The following NSMCE2 variants were observed in gnomAD, a reference collection of about 807,000 sequenced individuals.
NSMCE2 encodes NSE2 SUMO ligase component of SMC5/6 complex.
In NSMCE2, 24 loss-of-function variants were observed where a neutral mutation model predicts 23.8. The observed-to-expected ratio is 1.01, with a 90% CI of 0.73 to 1.42. The LOEUF (loss-of-function observed/expected upper bound fraction) is 1.42, where lower values mean the gene tolerates loss of function less well. NSMCE2 is among the 40% of genes most tolerant of loss of function. NSMCE2 has a pLI of 0.00. For synonymous variants in NSMCE2, 92 were observed against 94.1 expected, an observed-to-expected ratio of 0.98 and a Z score of 0.13; for missense variants, 284 against 296.5, an observed-to-expected ratio of 0.96 and a Z score of 0.31.
intron 3 of NSMCE2, among the ~76,000 whole-genome samples, chr8:125,122,173 A>AGT (rs1819299008): frequency 1.0e-5 from 1 of 98,336 alleles, no homozygotes; most frequent in African/African-American, 4.2e-5. Context: ...TGGCTGAGCC[A>AGT]AAAAAAAAAA....
chr8:125,334,411 CAG>C (rs1039945469), intron 5 of NSMCE2, among the ~76,000 whole-genome samples: 1 of 152,132 alleles, frequency 6.6e-6, no homozygotes, highest in Non-Finnish European at 1.5e-5. Context: ...AGCAACAGAA[CAG>C]GGGATCCATG....
intron 5 of NSMCE2, among the ~76,000 whole-genome samples, chr8:125,237,891 C>G (rs1200738296): frequency 6.6e-6 from 1 of 152,144 alleles, no homozygotes; most frequent in Admixed American, 6.6e-5. Flanking sequence ...ATTAAGAACT[C>G]CCTAATAATG....
intron 5 of NSMCE2, among the ~76,000 whole-genome samples, chr8:125,350,061 T>C (rs1323646505): frequency 2.0e-5 from 3 of 152,184 alleles, no homozygotes; most frequent in Admixed American, 6.5e-5. Context: ...CAGATGTTTA[T>C]TGAACACCTA....
At chr8:125,264,927 T>C (rs1826851899) in intron 5 of NSMCE2, among the ~76,000 whole-genome samples, 1 of 152,210 alleles carries the variant, frequency 6.6e-6, no homozygotes, top group Non-Finnish European at 1.5e-5. Context: ...TTGTTTTTAT[T>C]GTTAGTACTA....
rs117239170 is a variant in NSMCE2, at chr8:125,342,649, C to T, written c.419-14570C>T. Among the ~76,000 whole-genome samples, 764 of 152,144 alleles carry T rather than the reference C, an allele frequency of 5.0e-3. 5 individuals are homozygous for T. Among genetic ancestry groups the T allele is most frequent in the Non-Finnish European group, 8.5e-3 (580 of 67,988 alleles). Reference sequence around the variant, plus strand: ...TCCCTCCTCCCTCCCTCCCTCTTTCCCTCCCTCTCTCTTACTTTCATTTTA... The same window carrying T: ...TCCCTCCTCCCTCCCTCCCTCTTTCTCTCCCTCTCTCTTACTTTCATTTTA... On this transcript the variant is annotated intron_variant, in intron 5 of 7. Coordinates refer to ENST00000287437, the MANE Select transcript of NSMCE2 (RefSeq NM_173685.4).
chr8:125,307,812 C>T (rs890190145), intron 5 of NSMCE2, among the ~76,000 whole-genome samples: 17 of 152,154 alleles, frequency 1.1e-4, no homozygotes, highest in African/African-American at 2.9e-4. Context: ...GAGTTAAAAA[C>T]GATTACTGTG....
chr8:125,282,489 C>T (rs192770640), intron 5 of NSMCE2, among the ~76,000 whole-genome samples: 154 of 152,352 alleles, frequency 1.0e-3, no homozygotes, highest in South Asian at 2.3e-3. Flanking sequence ...AACCTATTTG[C>T]AGGCTACATA....
At chr8:125,123,058 CAAAATAT>C (rs1370879582) in intron 3 of NSMCE2, among the ~76,000 whole-genome samples, 1 of 151,930 alleles carries the variant, frequency 6.6e-6, no homozygotes, top group Admixed American at 6.6e-5. Context: ...TTCATAAAAT[CAAAATAT>C]AAAGTGATAC....
chr8:125,343,359 A>G (rs1217277455), intron 5 of NSMCE2, among the ~76,000 whole-genome samples: 3 of 152,234 alleles, frequency 2.0e-5, no homozygotes, highest in Non-Finnish European at 4.4e-5. Flanking sequence ...AAAACAAATT[A>G]TGATATCAGG....
rs535965216 is a variant in NSMCE2 at position 125,327,528 on chromosome 8, T to C, written c.419-29691T>C. On this transcript the variant is annotated intron_variant, in intron 5 of 7. Coordinates refer to ENST00000287437, the MANE Select transcript of NSMCE2 (RefSeq NM_173685.4). ...TCTTGATCAGATTAAAGTAAGAGAGTGTTTTTTTTTAAGTCTTTAATTTGA... is the reference window on the plus strand; with the variant it reads ...TCTTGATCAGATTAAAGTAAGAGAGCGTTTTTTTTTAAGTCTTTAATTTGA... 6.6e-5 allele frequency among the ~76,000 whole-genome samples: 10 copies of C among 151,990 alleles called. 1 individual carries two copies. Among genetic ancestry groups the C allele is most frequent in the Admixed American group, 6.6e-4 (10 of 15,248 alleles).
At chr8:125,143,877 T>C (rs1820515524) in intron 3 of NSMCE2, among the ~76,000 whole-genome samples, 1 of 152,130 alleles carries the variant, frequency 6.6e-6, no homozygotes, top group South Asian at 2.1e-4. Flanking sequence ...TAAAGAAGTT[T>C]TGTAGACCCA....
At chr8:125,254,064 A>T (rs1826309592) in intron 5 of NSMCE2, among the ~76,000 whole-genome samples, 2 of 152,168 alleles carry the variant, frequency 1.3e-5, no homozygotes, top group South Asian at 4.1e-4. Flanking sequence ...AATTCAGCAA[A>T]CTACCTTTTT....
intron 5 of NSMCE2, among the ~76,000 whole-genome samples, chr8:125,284,193 A>G (rs1827806621): frequency 1.2e-5 from 1 of 84,972 alleles, no homozygotes; most frequent in Non-Finnish European, 2.6e-5. Flanking sequence ...AAACATTTAG[A>G]GAGTAAAAAA....
At chr8:125,136,504 T>C (rs1387659076) in intron 3 of NSMCE2, among the ~76,000 whole-genome samples, 1 of 152,178 alleles carries the variant, frequency 6.6e-6, no homozygotes, top group Non-Finnish European at 1.5e-5. Flanking sequence ...TTGCAGAGAC[T>C]AGGTGCCTGC....
chr8:125,317,831 A>G (rs895060205), intron 5 of NSMCE2, among the ~76,000 whole-genome samples: 8 of 152,262 alleles, frequency 5.3e-5, no homozygotes, highest in Non-Finnish European at 8.8e-5. Context: ...TTTGAACTAC[A>G]TCAAAGCAAA....
chr8:125,295,557 C>A (rs1477298571), intron 5 of NSMCE2, among the ~76,000 whole-genome samples: 1 of 152,150 alleles, frequency 6.6e-6, no homozygotes, highest in Non-Finnish European at 1.5e-5. Flanking sequence ...GCTGCACACC[C>A]CTGTCTCTGC....
At chr8:125,163,757 A>G (rs73348190) in intron 4 of NSMCE2, among the ~76,000 whole-genome samples, 5,303 of 152,332 alleles carry the variant, frequency 0.035, 298 homozygotes, top group African/African-American at 0.12. Flanking sequence ...AGTCCCTGTT[A>G]GCTCTTAGAG....
At chr8:125,110,425 A>G (rs1405974019) in intron 3 of NSMCE2, among the ~76,000 whole-genome samples, 2 of 152,212 alleles carry the variant, frequency 1.3e-5, no homozygotes, top group Non-Finnish European at 2.9e-5. Context: ...GAGCTATGCT[A>G]AAGTATGGTG....
chr8:125,249,515 G>T (rs1826122033), intron 5 of NSMCE2, among the ~76,000 whole-genome samples: 1 of 152,084 alleles, frequency 6.6e-6, no homozygotes, highest in Non-Finnish European at 1.5e-5. Context: ...AAAAATTTTG[G>T]GCAAAACATT....
Sources: allele counts gnomAD v4.1 joint callset (sites outside exome capture counted in the v4.1 genomes callset), GRCh38; gene constraint gnomAD v4.1.1; transcripts MANE v1.5; gene names NCBI Gene and HGNC (gene_info 2026-07-23, HGNC 2026-07-21).